MAD1L1: variants seen among roughly 807,000 people sequenced by gnomAD.
MAD1L1 encodes mitotic spindle assembly checkpoint protein MAD1.
Under a neutral mutation model 96.9 loss-of-function variants are expected in MAD1L1, and 95 were observed. The observed-to-expected ratio is 0.98, with a 90% CI of 0.83 to 1.16. MAD1L1 has a LOEUF of 1.16. Ranked by LOEUF, MAD1L1 falls within the 50% of genes most tolerant of loss-of-function variation. The pLI is 0.00. For synonymous variants in MAD1L1, 473 were observed against 396.6 expected (o/e 1.19, Z -2.29); for missense variants, 1,007 against 954.4 (o/e 1.06, Z -0.73).
chr7:2,188,763 G>A (rs1791578880), intron 10 of MAD1L1, among the ~76,000 whole-genome samples: 1 of 152,062 alleles, frequency 6.6e-6, no homozygotes, highest in Non-Finnish European at 1.5e-5. Flanking sequence ...TTTATGACAT[G>A]GGATTTGGCA....
intron 16 of MAD1L1, among the ~76,000 whole-genome samples, chr7:1,950,943 C>T (rs1209735171): frequency 6.6e-6 from 1 of 152,274 alleles, no homozygotes; most frequent in East Asian, 1.9e-4. Context: ...GTGCACAGGG[C>T]ACCCACTGGC....
intron 12 of MAD1L1, among the ~76,000 whole-genome samples, chr7:2,047,312 C>T (rs1420070221): frequency 6.6e-6 from 1 of 152,230 alleles, no homozygotes; most frequent in Non-Finnish European, 1.5e-5. Flanking sequence ...GGGGGCCTGT[C>T]TGCAGACCGT....
chr7:1,817,827 G>A (rs1300635137), intron 18 of MAD1L1, among the ~76,000 whole-genome samples: 1 of 152,036 alleles, frequency 6.6e-6, no homozygotes, highest in African/African-American at 2.4e-5. Context: ...CTTGGTCCTG[G>A]CAGCTCCCCT....
intron 16 of MAD1L1, among the ~76,000 whole-genome samples, chr7:1,945,718 C>T (rs114176765): frequency 0.011 from 1,748 of 152,324 alleles, 28 homozygotes; most frequent in African/African-American, 0.041. Flanking sequence ...GCAGCACTCA[C>T]GCGACCCCTC....
chr7:1,933,539 G>A lies in MAD1L1; in HGVS notation c.1807+3148C>T, dbSNP rs567271845. Among the ~76,000 whole-genome samples the A allele has an allele frequency of 3.9e-5, 6 of 152,324 alleles. No individual in the cohort carries two copies. The East Asian group carries it at 9.6e-4, about 24-fold the overall frequency. On this transcript the variant is annotated intron_variant, in intron 17 of 18. Coordinates refer to ENST00000265854, the MANE Select transcript of MAD1L1 (RefSeq NM_001013836.2). ...CTCCAGAGCAGCGGTCCACAAACGCGCTGAGCATCCGCGTGGTCTGTAGGG... is the reference window on the plus strand; with the variant it reads ...CTCCAGAGCAGCGGTCCACAAACGCACTGAGCATCCGCGTGGTCTGTAGGG...
At chr7:2,068,514 A>G (rs1784983329) in intron 12 of MAD1L1, among the ~76,000 whole-genome samples, 1 of 152,192 alleles carries the variant, frequency 6.6e-6, no homozygotes, top group South Asian at 2.1e-4. Context: ...CCCTCCGCCC[A>G]CTCAGCACTA....
chr7:2,014,657 G>C lies in MAD1L1; in HGVS notation c.1219-15C>G. 1 of 1,602,050 alleles carries C rather than the reference G, an allele frequency of 6.2e-7. No individual in the cohort carries two copies. On this transcript the variant is annotated splice_polypyrimidine_tract_variant and intron_variant, in intron 12 of 18. Coordinates refer to ENST00000265854, the MANE Select transcript of MAD1L1 (RefSeq NM_001013836.2). Reference sequence around the variant, plus strand: ...CCGTCCCGCTCCTGTGGACACAGAGGGCAGCTGATCAGGACCCGGGACGGG... The same window carrying C: ...CCGTCCCGCTCCTGTGGACACAGAGCGCAGCTGATCAGGACCCGGGACGGG...
At chr7:1,981,660 T>A (rs926921950) in intron 14 of MAD1L1, among the ~76,000 whole-genome samples, 1 of 151,960 alleles carries the variant, frequency 6.6e-6, no homozygotes, top group Non-Finnish European at 1.5e-5. Flanking sequence ...GAAGGACAGG[T>A]GCCAGCAGGT....
At chr7:2,021,973 C>T (rs1584106814) in intron 12 of MAD1L1, among the ~76,000 whole-genome samples, 3 of 151,466 alleles carry the variant, frequency 2.0e-5, no homozygotes, top group South Asian at 2.1e-4. Flanking sequence ...CTGTTTTTTT[C>T]GAGACAGAGT....
intron 7 of MAD1L1, 71 bp from the exon 8 acceptor site, chr7:2,216,358 CACGGCTAAGAGAAGGAAGCCGGTCTGCA>C (rs1432855855): frequency 2.0e-6 from 3 of 1,507,172 alleles, no homozygotes; most frequent in Non-Finnish European, 2.7e-6. Context: ...ATCACACGCA[CACGGCTAAGAGAAGGAAGCCGGTCTGCA>C]ACGGCTATAC....
intron 11 of MAD1L1, among the ~76,000 whole-genome samples, chr7:2,101,533 G>C (rs2128551049): frequency 6.7e-6 from 1 of 149,742 alleles, no homozygotes; most frequent in African/African-American, 2.5e-5. Context: ...CACTCCTAAA[G>C]GGTCTCCATC....
At chr7:2,187,114 AT>A (rs1791497742) in intron 10 of MAD1L1, among the ~76,000 whole-genome samples, 1 of 152,088 alleles carries the variant, frequency 6.6e-6, no homozygotes, top group Non-Finnish European at 1.5e-5. Context: ...TTTCATAATA[AT>A]ACTAAGTGGA....
chr7:1,996,908 G>A (rs1371337969), intron 14 of MAD1L1, among the ~76,000 whole-genome samples: 1 of 95,052 alleles, frequency 1.1e-5, no homozygotes, highest in African/African-American at 3.1e-5. Flanking sequence ...GGAAAATAAA[G>A]CTTCACTCCT....
intron 11 of MAD1L1, among the ~76,000 whole-genome samples, chr7:2,099,604 G>C (rs1050905611): frequency 1.0e-5 from 1 of 100,174 alleles, no homozygotes; most frequent in Non-Finnish European, 2.4e-5. Context: ...GGAAGTGAGC[G>C]CATCGGGCTG....
chr7:2,159,230 G>C (rs1433723230), intron 10 of MAD1L1, among the ~76,000 whole-genome samples: 1 of 152,206 alleles, frequency 6.6e-6, no homozygotes, highest in East Asian at 1.9e-4. Flanking sequence ...CGGGGATGTG[G>C]GTCCCACACA....
intron 18 of MAD1L1, among the ~76,000 whole-genome samples, chr7:1,831,945 A>G (rs1048156901): frequency 5.3e-5 from 8 of 152,336 alleles, no homozygotes; most frequent in South Asian, 4.1e-4. Flanking sequence ...ATGGAGATGA[A>G]CGTTGTTTCT....
Position 2,222,753 on chromosome 7 carries a change from C to T in MAD1L1, c.293G>A (p.Arg98His), listed in dbSNP as rs371823704. 50 of 1,595,936 alleles carry T rather than the reference C, an allele frequency of 3.1e-5. No homozygotes were observed. The highest frequency in any genetic ancestry group is 8.5e-5 in the Admixed American group (5 of 59,108). The change falls in exon 5 of 19, where the codon CGT becomes CAT. Residue 98 changes from arginine to histidine, a missense_variant and splice_region_variant. Arg to His is a conservative substitution (Grantham distance 29). Coordinates refer to ENST00000265854, the MANE Select transcript of MAD1L1 (RefSeq NM_001013836.2). Reference protein sequence around the residue: ...AASTSARNYEREVDRNQELLT... With the variant: ...AASTSARNYEHEVDRNQELLT... ...GAGCTCCTGGTTGCGGTCGACCTCA[C>T]GCTGTTAAGAGAGCAAGAGTCAGAT...
intron 17 of MAD1L1, among the ~76,000 whole-genome samples, chr7:1,924,411 G>A (rs541326820): frequency 6.6e-6 from 1 of 152,322 alleles, no homozygotes; most frequent in African/African-American, 2.4e-5. Context: ...AGGGGAAAGG[G>A]GAGATTTCTT....
chr7:2,130,238 T>C lies in MAD1L1; in HGVS notation c.1073+18914A>G, dbSNP rs11980703. Among the ~76,000 whole-genome samples, 752 of 152,326 alleles carry C rather than the reference T, an allele frequency of 4.9e-3. 12 individuals are homozygous for C. Among genetic ancestry groups the C allele is most frequent in the African/African-American group, 0.017 (709 of 41,576 alleles). ...GGTCCAGGGAGCTGTGCCAGCAGCA[T>C]TCAGGTGCCTCCCCGCTGAAATATT... On this transcript the variant is annotated intron_variant, in intron 11 of 18. Coordinates refer to ENST00000265854, the MANE Select transcript of MAD1L1 (RefSeq NM_001013836.2).
Sources: allele counts gnomAD v4.1 joint callset (sites outside exome capture counted in the v4.1 genomes callset), GRCh38; gene constraint gnomAD v4.1.1; transcripts MANE v1.5; gene names NCBI Gene and HGNC (gene_info 2026-07-23, HGNC 2026-07-21).